GNAQ: variants seen among roughly 807,000 people sequenced by gnomAD.
GNAQ encodes guanine nucleotide-binding protein G(q) subunit alpha.
Under a neutral mutation model 43.9 loss-of-function variants are expected in GNAQ, and 8 were observed. That is an observed-to-expected ratio of 0.18 (90% CI 0.11 to 0.33). The LOEUF (loss-of-function observed/expected upper bound fraction) is 0.33, where lower values mean the gene tolerates loss of function less well. Among genes scored for constraint, GNAQ ranks in the 10% least tolerant of loss-of-function variants. The pLI is 1.00. For missense variants in GNAQ, 158 were observed against 450.8 expected, an observed-to-expected ratio of 0.35 and a Z score of 5.88; for synonymous variants, 155 against 170.7, an observed-to-expected ratio of 0.91 and a Z score of 0.71.
chr9:77,727,888 G>C (rs1587885789), intron 6 of GNAQ, among the ~76,000 whole-genome samples: 1 of 152,140 alleles, frequency 6.6e-6, no homozygotes, highest in East Asian at 1.9e-4. Context: ...GAGGTGGACG[G>C]TAACCAAATG....
intron 5 of GNAQ, among the ~76,000 whole-genome samples, chr9:77,772,571 G>A (rs1007731977): frequency 1.3e-5 from 2 of 152,174 alleles, no homozygotes; most frequent in African/African-American, 4.8e-5. Flanking sequence ...TTGCAAGGCT[G>A]AGCAGGTACA....
At chr9:77,938,469 GGA>G (rs1403112973) in intron 1 of GNAQ, among the ~76,000 whole-genome samples, 3 of 152,220 alleles carry the variant, frequency 2.0e-5, no homozygotes, top group Admixed American at 6.5e-5. Flanking sequence ...AATTTTACAG[GGA>G]AGAAACACAA....
At chr9:77,788,211 G>C (rs778782295) in intron 5 of GNAQ, among the ~76,000 whole-genome samples, 2 of 152,148 alleles carry the variant, frequency 1.3e-5, no homozygotes, top group Non-Finnish European at 1.5e-5. Context: ...GTTGGGGTGA[G>C]AGGGAGACCA....
intron 1 of GNAQ, among the ~76,000 whole-genome samples, chr9:77,951,287 G>A (rs900268326): frequency 2.0e-4 from 31 of 151,872 alleles, no homozygotes; most frequent in East Asian, 3.9e-4. Flanking sequence ...TAGTAGAGAC[G>A]GGGTTTCTCC....
chr9:77,991,896 C>A (rs976348336), intron 1 of GNAQ, among the ~76,000 whole-genome samples: 7 of 152,204 alleles, frequency 4.6e-5, no homozygotes, highest in Non-Finnish European at 8.8e-5. Flanking sequence ...AAGGCCATTA[C>A]TTTGTTCCAT....
chr9:77,785,631 A>G (rs1199301471), intron 5 of GNAQ, among the ~76,000 whole-genome samples: 4 of 152,234 alleles, frequency 2.6e-5, no homozygotes, highest in Non-Finnish European at 4.4e-5. Context: ...ATACTTTTCT[A>G]TACATGTATA....
At position 77,930,599 on chromosome 9, in the gene GNAQ, T is replaced by C. The variant is rs546528099; in HGVS notation, c.137-8254A>G. 7.9e-5 allele frequency among the ~76,000 whole-genome samples: 12 copies of C among 152,330 alleles called. 1 individual carries two copies. In the East Asian group the frequency reaches 2.1e-3, roughly 27 times the overall value. ...TATTTTATTCTAGGTTTCAAAGTTT[T>C]ACCTTTTACAATTAACTAACAAAAT... On this transcript the variant is annotated intron_variant, in intron 1 of 6. Coordinates refer to ENST00000286548, the MANE Select transcript of GNAQ (RefSeq NM_002072.5).
chr9:77,977,001 T>A (rs1301625767), intron 1 of GNAQ, among the ~76,000 whole-genome samples: 1 of 152,162 alleles, frequency 6.6e-6, no homozygotes, highest in African/African-American at 2.4e-5. Context: ...AGCAAATCAA[T>A]TCCTGATAGA....
intron 6 of GNAQ, among the ~76,000 whole-genome samples, chr9:77,722,653 CTTTTTT>C (rs36194112): frequency 3.5e-5 from 4 of 115,784 alleles, no homozygotes; most frequent in Non-Finnish European, 3.5e-5. Context: ...TATCTAAGGA[CTTTTTT>C]TTTTTTTTTT....
chr9:77,782,010 A>G (rs1826401521), intron 5 of GNAQ, among the ~76,000 whole-genome samples: 1 of 152,154 alleles, frequency 6.6e-6, no homozygotes. Context: ...TGGAAGTCCT[A>G]GCAAATGTAA....
intron 2 of GNAQ, among the ~76,000 whole-genome samples, chr9:77,889,026 T>C (rs1461341570): frequency 1.3e-5 from 2 of 152,144 alleles, no homozygotes; most frequent in Non-Finnish European, 2.9e-5. Context: ...TGAAGCACCA[T>C]ATATCATCTT....
chr9:77,813,672 C>T (rs1826964416), intron 3 of GNAQ, among the ~76,000 whole-genome samples: 1 of 152,114 alleles, frequency 6.6e-6, no homozygotes, highest in Non-Finnish European at 1.5e-5. Flanking sequence ...GAGGAGGAGG[C>T]AAACCCTAAG....
intron 6 of GNAQ, among the ~76,000 whole-genome samples, chr9:77,723,555 C>T (rs1825352043): frequency 6.6e-6 from 1 of 152,062 alleles, no homozygotes; most frequent in African/African-American, 2.4e-5. Context: ...GAAACAAAAC[C>T]AAACCAAACA....
chr9:77,948,515 GA>G (rs899540120), intron 1 of GNAQ, among the ~76,000 whole-genome samples: 14 of 152,188 alleles, frequency 9.2e-5, no homozygotes, highest in Admixed American at 5.2e-4. Context: ...GGAGGACACA[GA>G]GGGGGGGCAG....
chr9:77,761,946 T>G (rs1587904204), intron 5 of GNAQ, among the ~76,000 whole-genome samples: 3 of 92,888 alleles, frequency 3.2e-5, no homozygotes, highest in African/African-American at 4.4e-5. Flanking sequence ...GGGAGGGAGG[T>G]GCGGGGGTCA....
intron 3 of GNAQ, among the ~76,000 whole-genome samples, chr9:77,807,153 C>G (rs545013593): frequency 1.3e-5 from 2 of 152,176 alleles, no homozygotes; most frequent in African/African-American, 4.8e-5. Flanking sequence ...AGACTTTAAC[C>G]TGATAATGAA....
chr9:77,771,804 C>T (rs1826226938), intron 5 of GNAQ, among the ~76,000 whole-genome samples: 1 of 152,120 alleles, frequency 6.6e-6, no homozygotes, highest in Admixed American at 6.5e-5. Context: ...ACAAATTGAG[C>T]TGAATTTATG....
At chr9:77,874,559 C>A (rs988658831) in intron 2 of GNAQ, among the ~76,000 whole-genome samples, 1 of 152,124 alleles carries the variant, frequency 6.6e-6, no homozygotes, top group East Asian at 1.9e-4. Context: ...CCCTCAAAAT[C>A]CCTTGAATTC....
intron 2 of GNAQ, among the ~76,000 whole-genome samples, chr9:77,890,243 C>T (rs1449237386): frequency 6.6e-6 from 1 of 152,192 alleles, no homozygotes; most frequent in Non-Finnish European, 1.5e-5. Context: ...CTCCACAGTA[C>T]TTCTTCCAGA....
Sources: gnomAD v4.1 joint callset for allele counts (sites outside exome capture counted in the v4.1 genomes callset) on GRCh38, gnomAD v4.1.1 for gene constraint, MANE v1.5 for transcripts, NCBI Gene and HGNC (gene_info 2026-07-23, HGNC 2026-07-21) for gene names.